Variants in PCSK9 observed in about 807,000 individuals in gnomAD.
The protein encoded by PCSK9 is proprotein convertase subtilisin/kexin type 9, also known as convertase subtilisin/kexin type 9 preproprotein.
Under a neutral mutation model 62.1 loss-of-function variants are expected in PCSK9, and 57 were observed. That is an observed-to-expected ratio of 0.92 (90% CI 0.74 to 1.14). The LOEUF (loss-of-function observed/expected upper bound fraction) is 1.14. PCSK9 is among the 50% of genes most tolerant of loss of function. The pLI is 0.00. For missense variants in PCSK9, 870 were observed against 959.8 expected, an observed-to-expected ratio of 0.91 and a Z score of 1.24; for synonymous variants, 387 against 409.4, an observed-to-expected ratio of 0.95 and a Z score of 0.66.
At chr1:55,057,930 A>C (rs935972406) in intron 7 of PCSK9, 106 bp from the exon 8 acceptor site, 1 of 1,458,038 alleles carries the variant, frequency 6.9e-7, no homozygotes, top group Non-Finnish European at 9.6e-7. Flanking sequence ...GTCTGTGTGC[A>C]CGTGTGTTTG....
Position 55,046,371 on chromosome 1 carries a change from G to C in PCSK9, c.400-152G>C. On this transcript the variant is annotated intron_variant, in intron 2 of 11. Transcript: ENST00000302118. ...AGGAGCGAGAAAACTCAGGCTCCTAGTCTGTCCTCCGGGGCACTAGCAGGG... is the reference window on the plus strand; with the variant it reads ...AGGAGCGAGAAAACTCAGGCTCCTACTCTGTCCTCCGGGGCACTAGCAGGG... 5 of 1,186,686 alleles carry C rather than the reference G, an allele frequency of 4.2e-6. 1 individual carries two copies. In the South Asian group the frequency reaches 6.1e-5, roughly 15 times the overall value. 73.5% of individuals were successfully genotyped at this position (1,186,686 alleles called of 1,614,324 possible).
intron 3 of PCSK9, among the ~76,000 whole-genome samples, chr1:55,046,922 G>A (rs1644639294): frequency 6.6e-6 from 1 of 152,052 alleles, no homozygotes; most frequent in African/African-American, 2.4e-5. Flanking sequence ...TGGCCCAGCA[G>A]GCTGCACTTA....
intron 2 of PCSK9, among the ~76,000 whole-genome samples, chr1:55,045,918 C>T (rs1249733915): frequency 6.7e-6 from 1 of 150,102 alleles, no homozygotes; most frequent in Admixed American, 6.7e-5. Context: ...CCATGTTGGC[C>T]AGGCTGGTCT....
At position 55,058,723 on chromosome 1, in the gene PCSK9, G is replaced by A. The variant is rs926763834; in HGVS notation, c.1503+76G>A. ...TGTGTGTGTGTGTGTGTGTGTCAGT[G>A]CTGGGCCCTCAGGGACCCCCAGCAA... is the stretch of plus-strand genomic sequence containing the variant. On this transcript the variant is annotated intron_variant, in intron 9 of 11. Transcript: ENST00000302118. 676 of 1,543,662 alleles carry A rather than the reference G, an allele frequency of 4.4e-4. 6 individuals are homozygous for A. The highest frequency in any genetic ancestry group is 5.4e-4 in the Non-Finnish European group (622 of 1,144,860).
Position 55,039,742 on chromosome 1 carries a change from A to C in PCSK9, c.-96A>C. The C allele has an allele frequency of 7.1e-7, 1 of 1,407,854 alleles. No homozygotes were observed. Among genetic ancestry groups the C allele is most frequent in the Non-Finnish European group, 9.8e-7 (1 of 1,019,220 alleles). The allele number at this position is 1,407,854 out of a possible 1,614,324, so 87.2% of individuals were successfully genotyped here. A position where few individuals can be genotyped will look rare whatever the true frequency, so the allele number is the denominator to read the frequency against. Reference sequence around the variant, plus strand: ...TGCTCCTGAACTTCAGCTCCTGCACAGTCCTCCCCACCGCAAGGCTCAAGG... The same window carrying C: ...TGCTCCTGAACTTCAGCTCCTGCACCGTCCTCCCCACCGCAAGGCTCAAGG... On this transcript the variant is annotated 5_prime_UTR_variant, in exon 1 of 12. Transcript: ENST00000302118.
At chr1:55,042,411 G>A (rs1158176504) in intron 1 of PCSK9, among the ~76,000 whole-genome samples, 7 of 152,164 alleles carry the variant, frequency 4.6e-5, no homozygotes, top group Admixed American at 2.0e-4. Flanking sequence ...CATATATTTT[G>A]CTGCATAGAT....
At chr1:55,041,280 C>T (rs1007068162) in intron 1 of PCSK9, among the ~76,000 whole-genome samples, 4 of 152,188 alleles carry the variant, frequency 2.6e-5, no homozygotes, top group African/African-American at 9.7e-5. Flanking sequence ...AGCTGCCTGC[C>T]CACGCTTCTG....
chr1:55,042,493 A>G (rs1159013009), intron 1 of PCSK9, among the ~76,000 whole-genome samples: 1 of 152,194 alleles, frequency 6.6e-6, no homozygotes, highest in African/African-American at 2.4e-5. Context: ...AATCCAAACA[A>G]GTTCTGAGGT....
intron 1 of PCSK9, 41 bp from the exon 2 acceptor site, chr1:55,043,802 G>T (rs1474736900): frequency 6.2e-7 from 1 of 1,610,706 alleles, no homozygotes; most frequent in African/African-American, 1.3e-5. Context: ...GGTTTGCTGG[G>T]TTTCTTCCAT....
At chr1:55,056,226 GGGGCGGAGGGCGGA>G (rs201349983) in intron 6 of PCSK9, 37 bp downstream of exon 6, 18 of 608,780 alleles carry the variant, frequency 3.0e-5, no homozygotes, top group East Asian at 4.3e-5. Flanking sequence ...GCGCGGGTAG[GGGGCGGAGGGCGGA>G]GGGCGGAGGG....
At chr1:55,052,857 G>T in intron 5 of PCSK9, 66 bp downstream of exon 5, 9 of 1,609,026 alleles carry the variant, frequency 5.6e-6, no homozygotes, top group Non-Finnish European at 7.6e-6. Context: ...GGCTTGGGCT[G>T]GGCCCAGGGA....
Position 55,040,437 on chromosome 1 carries a change from G to A in PCSK9, c.207+393G>A, listed in dbSNP as rs748509798. Among the ~76,000 whole-genome samples, 4 of 152,204 alleles carry A rather than the reference G, an allele frequency of 2.6e-5. No homozygotes were observed. Among genetic ancestry groups the A allele is most frequent in the African/African-American group, 4.8e-5 (2 of 41,450 alleles). ...AGGAGTGAATGCCTGGAACGTACTG[G>A]GAACTGCACCAGGCACAGAGAAAGC... On this transcript the variant is annotated intron_variant, in intron 1 of 11. Coordinates refer to ENST00000302118, the MANE Select transcript of PCSK9 (RefSeq NM_174936.4). This position sits in a 1 kb window ranked among gnomAD's most constrained non-coding sequence, Gnocchi z 4.1.
At chr1:55,041,534 C>T (rs1368200739) in intron 1 of PCSK9, among the ~76,000 whole-genome samples, 2 of 152,170 alleles carry the variant, frequency 1.3e-5, no homozygotes, top group Non-Finnish European at 2.9e-5. Flanking sequence ...GATGTTTCTT[C>T]TCTGGTGGAA....
intron 2 of PCSK9, 129 bp downstream of exon 2, chr1:55,044,163 T>C: frequency 8.9e-7 from 1 of 1,118,690 alleles, no homozygotes; most frequent in South Asian, 1.3e-5. Flanking sequence ...TGAGCACTTA[T>C]CGGGTACCAA....
intron 3 of PCSK9, chr1:55,050,997 G>A: frequency 5.2e-6 from 2 of 382,666 alleles, no homozygotes; most frequent in South Asian, 3.9e-5. Context: ...GACAGAGGTG[G>A]AGATTGGAGA....
chr1:55,048,193 G>A (rs1644647684), intron 3 of PCSK9, among the ~76,000 whole-genome samples: 2 of 152,160 alleles, frequency 1.3e-5, no homozygotes, highest in African/African-American at 4.8e-5. Flanking sequence ...AACAGCGGCA[G>A]CACACCAATC....
chr1:55,058,225 G>A lies in PCSK9; in HGVS notation c.1354+16G>A, dbSNP rs1274130323. 1.9e-6 allele frequency: 3 copies of A among 1,609,242 alleles called. No individual in the cohort carries two copies. Among genetic ancestry groups the A allele is most frequent in the Non-Finnish European group, 2.5e-6 (3 of 1,177,406 alleles). Reference sequence around the variant, plus strand: ...CATGGGGCAGGTAAGCAGGATGGCAGGGTGGGCAAGTCCAGGCTGGGGCTT... The same window carrying A: ...CATGGGGCAGGTAAGCAGGATGGCAAGGTGGGCAAGTCCAGGCTGGGGCTT... On this transcript the variant is annotated intron_variant, in intron 8 of 11. Coordinates refer to ENST00000302118, the MANE Select transcript of PCSK9 (RefSeq NM_174936.4).
intron 5 of PCSK9, among the ~76,000 whole-genome samples, 169 bp downstream of exon 5, chr1:55,052,960 A>G (rs947804405): frequency 6.6e-6 from 1 of 152,180 alleles, no homozygotes; most frequent in Non-Finnish European, 1.5e-5. Context: ...CCCAGTGGCC[A>G]CGAGTGCAGA....
At chr1:55,043,314 T>C (rs1380524723) in intron 1 of PCSK9, among the ~76,000 whole-genome samples, 10 of 152,218 alleles carry the variant, frequency 6.6e-5, no homozygotes, top group Admixed American at 6.5e-4. Flanking sequence ...ACTCTTGACT[T>C]TCCCAGCAGG....
Sources: allele counts gnomAD v4.1 joint callset (sites outside exome capture counted in the v4.1 genomes callset), GRCh38; gene constraint gnomAD v4.1.1; non-coding constraint Gnocchi (gnomAD v3.1); transcripts MANE v1.5; gene names NCBI Gene and HGNC (gene_info 2026-07-23, HGNC 2026-07-21).